The following ERICH6B variants were observed in gnomAD, a reference collection of about 807,000 sequenced individuals.
ERICH6B encodes glutamate-rich protein 6B.
ERICH6B carries 69 observed loss-of-function variants against 80.0 expected under a neutral mutation model. The ratio of observed to expected loss-of-function variants is 0.86; its 90% CI spans 0.71 to 1.05. The LOEUF (loss-of-function observed/expected upper bound fraction) is 1.05. Ranked by LOEUF, ERICH6B falls within the 50% of genes least tolerant of loss-of-function variation. The pLI is 0.00. For missense variants in ERICH6B, 754 were observed against 796.1 expected (o/e 0.95, Z 0.64); for synonymous variants, 283 against 291.9 (o/e 0.97, Z 0.31).
intron 14 of ERICH6B, among the ~76,000 whole-genome samples, chr13:45,543,263 T>A (rs1048287990): frequency 5.9e-5 from 9 of 152,136 alleles, no homozygotes; most frequent in Admixed American, 6.5e-5. Flanking sequence ...GCCCACCTTC[T>A]TCCCCCACTA....
chr13:45,595,314 C>T (rs983487443), intron 3 of ERICH6B, among the ~76,000 whole-genome samples: 1 of 152,124 alleles, frequency 6.6e-6, no homozygotes, highest in Non-Finnish European at 1.5e-5. Flanking sequence ...ATCAACACAA[C>T]ACAATGTGAT....
chr13:45,556,870 G>A (rs1204757840), intron 11 of ERICH6B, among the ~76,000 whole-genome samples: 4 of 151,974 alleles, frequency 2.6e-5, no homozygotes, highest in East Asian at 1.9e-4. Context: ...ACATTTTTGC[G>A]ATTGTGAATT....
chr13:45,600,743 T>C (rs931111271), intron 2 of ERICH6B, among the ~76,000 whole-genome samples: 1 of 152,236 alleles, frequency 6.6e-6, no homozygotes, highest in East Asian at 1.9e-4. Flanking sequence ...TCTTTGATCA[T>C]CCGTTGGTGG....
chr13:45,575,929 T>C (rs4583126), intron 7 of ERICH6B, among the ~76,000 whole-genome samples: 32,037 of 152,110 alleles, frequency 0.21, 7,792 homozygotes, highest in African/African-American at 0.59. Context: ...AGGAAAATGA[T>C]GGTGGCTGAT....
chr13:45,552,597 AT>A (rs953116538), intron 11 of ERICH6B, among the ~76,000 whole-genome samples: 17 of 150,770 alleles, frequency 1.1e-4, no homozygotes, highest in African/African-American at 3.7e-4. Context: ...TTTTATTTTG[AT>A]TTTTTTTGAA....
chr13:45,584,130 T>C (rs995051353), intron 5 of ERICH6B, among the ~76,000 whole-genome samples: 13 of 152,250 alleles, frequency 8.5e-5, no homozygotes, highest in African/African-American at 3.1e-4. Flanking sequence ...TTGTGGTTAC[T>C]ATGTGCCAGG....
At chr13:45,568,503 G>A (rs1201319464) in intron 8 of ERICH6B, 52 bp from the exon 9 acceptor site, 1 of 1,425,018 alleles carries the variant, frequency 7.0e-7, no homozygotes, top group African/African-American at 1.5e-5. Flanking sequence ...TTAATGATTT[G>A]TTAGTTAATC....
chr13:45,563,826 A>T (rs1195144439), intron 9 of ERICH6B, 38 bp from the exon 10 acceptor site: 2 of 1,493,742 alleles, frequency 1.3e-6, no homozygotes, highest in Non-Finnish European at 1.8e-6. Context: ...AGCCAAGACT[A>T]AGTTCACGCA....
Position 45,544,758 on chromosome 13 carries a change from A to C in ERICH6B, c.1872+2T>G. The C allele has an allele frequency of 1.9e-6, 3 of 1,551,496 alleles. No individual in the cohort carries two copies. Among genetic ancestry groups the C allele is most frequent in the Non-Finnish European group, 2.6e-6 (3 of 1,146,900 alleles). ...GGAGGGTATGGGGAGTTGTGACCTT[A>C]CCTTGTACCTGGTGCCCAGGTTTAA... On this transcript the variant is annotated splice_donor_variant, in intron 14 of 14. Coordinates refer to ENST00000298738, the MANE Select transcript of ERICH6B (RefSeq NM_182542.3). LOFTEE classifies it high-confidence loss of function.
At chr13:45,604,295 G>A (rs11843846) in intron 2 of ERICH6B, among the ~76,000 whole-genome samples, 6,608 of 152,298 alleles carry the variant, frequency 0.043, 480 homozygotes, top group African/African-American at 0.15. Context: ...ACTGCTAGCC[G>A]TTTCCAGTTC....
intron 14 of ERICH6B, 40 bp downstream of exon 14, chr13:45,544,720 C>T (rs925820080): frequency 3.6e-5 from 55 of 1,516,068 alleles, no homozygotes; most frequent in Non-Finnish European, 4.7e-5. Flanking sequence ...TACAGGTGGG[C>T]ACCCCACCTG....
At chr13:45,561,314 G>T (rs960369141) in intron 11 of ERICH6B, 55 bp downstream of exon 11, 64 of 1,527,754 alleles carry the variant, frequency 4.2e-5, no homozygotes, top group African/African-American at 1.4e-4. Context: ...CACCTCACCA[G>T]AGCCAAAAAA....
chr13:45,606,547 A>T (rs2014579), intron 2 of ERICH6B, among the ~76,000 whole-genome samples: 3,031 of 15,826 alleles, frequency 0.19, 460 homozygotes, highest in African/African-American at 0.41. Context: ...ATATATATAT[A>T]TTTTTTTTTT....
chr13:45,593,258 G>A lies in ERICH6B; in HGVS notation c.638-2561C>T, dbSNP rs74732098. 3.0e-3 allele frequency among the ~76,000 whole-genome samples: 450 copies of A among 152,228 alleles called. 2 individuals are homozygous for A. Among genetic ancestry groups the A allele is most frequent in the African/African-American group, 0.01 (420 of 41,538 alleles). The stretch of plus-strand genomic sequence containing the variant: ...GCTATGGGAATCTCTGAAGTTGACC[G>A]CTATAGGGTAGATGAGTGGAGGGTG... On this transcript the variant is annotated intron_variant, in intron 3 of 14. Coordinates refer to ENST00000298738, the MANE Select transcript of ERICH6B (RefSeq NM_182542.3).
At position 45,558,294 on chromosome 13, in the gene ERICH6B, G is replaced by A. The variant is rs118115511; in HGVS notation, c.1407+3075C>T. ...TTTGTGTACACTAATTTTGTATCTG[G>A]AAACTTTGCTGGATTAATTTATCAG... On this transcript the variant is annotated intron_variant, in intron 11 of 14. Transcript: ENST00000298738. Among the ~76,000 whole-genome samples, 582 of 152,290 alleles carry A rather than the reference G, an allele frequency of 3.8e-3. 4 individuals are homozygous for A. The highest frequency in any genetic ancestry group is 0.027 in the Middle Eastern group (8 of 294).
chr13:45,546,304 T>C (rs546147949), intron 13 of ERICH6B, among the ~76,000 whole-genome samples: 2 of 152,292 alleles, frequency 1.3e-5, no homozygotes, highest in South Asian at 2.1e-4. Flanking sequence ...ATCAGTGCCC[T>C]TGGGGCAGCA....
chr13:45,615,540 C>T (rs533333712), intron 1 of ERICH6B, 145 bp downstream of exon 1: 1 of 152,418 alleles, frequency 6.6e-6, no homozygotes, highest in Non-Finnish European at 1.5e-5. Flanking sequence ...ATGTACTTGG[C>T]GCTTCTTTGT....
chr13:45,541,931 G>A (rs1023906699), intron 14 of ERICH6B, among the ~76,000 whole-genome samples: 13 of 152,238 alleles, frequency 8.5e-5, no homozygotes, highest in Admixed American at 5.9e-4. Context: ...GCCCTAAACC[G>A]GAGGGAAAGC....
intron 11 of ERICH6B, among the ~76,000 whole-genome samples, chr13:45,553,747 A>G (rs1874318995): frequency 6.6e-6 from 1 of 152,206 alleles, no homozygotes; most frequent in Non-Finnish European, 1.5e-5. Flanking sequence ...GCCTCTAACC[A>G]TTAAGCTCCC....
Sources: gnomAD v4.1 joint callset for allele counts (sites outside exome capture counted in the v4.1 genomes callset) on GRCh38, gnomAD v4.1.1 for gene constraint, MANE v1.5 for transcripts, NCBI Gene and HGNC (gene_info 2026-07-23, HGNC 2026-07-21) for gene names.